Variants in AGPAT3 observed in about 807,000 individuals in gnomAD.
AGPAT3 encodes 1-acyl-sn-glycerol-3-phosphate acyltransferase gamma.
A neutral mutation model predicts 47.3 loss-of-function variants in AGPAT3; 5 were observed. The observed-to-expected ratio is 0.11, with a 90% CI of 0.06 to 0.22. The LOEUF (loss-of-function observed/expected upper bound fraction) is 0.22, where lower values mean the gene tolerates loss of function less well. Ranked by LOEUF, AGPAT3 falls within the 10% of genes least tolerant of loss-of-function variation. The pLI, the probability that AGPAT3 is intolerant of heterozygous loss-of-function variation, is 1.00. For synonymous variants in AGPAT3, 212 were observed against 208.3 expected, an observed-to-expected ratio of 1.02 and a Z score of -0.15; for missense variants, 315 against 493.0, an observed-to-expected ratio of 0.64 and a Z score of 3.42.
At chr21:43,924,518 T>C (rs558554275) in intron 2 of AGPAT3, among the ~76,000 whole-genome samples, 2 of 152,212 alleles carry the variant, frequency 1.3e-5, no homozygotes, top group African/African-American at 4.8e-5. Context: ...AGGCTCTGCC[T>C]TTGCAAGCAC....
At position 43,980,982 on chromosome 21, in the gene AGPAT3, C is replaced by T; in HGVS notation, c.844-7C>T. 1 of 1,612,436 alleles carries T rather than the reference C, an allele frequency of 6.2e-7. No homozygotes were observed. Among genetic ancestry groups the T allele is most frequent in the Non-Finnish European group, 8.5e-7 (1 of 1,178,958 alleles). ...CACGCTTCCTTTTTCTCTGTTGACT[C>T]TTCTAGGACGCGCTCCAGGAGATAT... On this transcript the variant is annotated splice_polypyrimidine_tract_variant and splice_region_variant and intron_variant, in intron 8 of 9. Transcript: ENST00000291572.
chr21:43,894,553 C>T (rs947079553), intron 1 of AGPAT3, among the ~76,000 whole-genome samples: 3 of 152,022 alleles, frequency 2.0e-5, no homozygotes, highest in African/African-American at 4.8e-5. Flanking sequence ...GTATTTGTCT[C>T]GTCTTTAAGC....
chr21:43,898,673 C>T (rs2086282175), intron 1 of AGPAT3, among the ~76,000 whole-genome samples: 1 of 152,094 alleles, frequency 6.6e-6, no homozygotes, highest in Non-Finnish European at 1.5e-5. Flanking sequence ...ATTACAGGCA[C>T]CCACCATCAT....
At chr21:43,951,156 TCG>T (rs200069527) in intron 2 of AGPAT3, among the ~76,000 whole-genome samples, 4,422 of 152,172 alleles carry the variant, frequency 0.029, 231 homozygotes, top group African/African-American at 0.1. Context: ...TGCCACCACC[TCG>T]CAGGGGCCAG....
intron 2 of AGPAT3, among the ~76,000 whole-genome samples, chr21:43,917,965 G>T: frequency 8.6e-6 from 1 of 115,896 alleles, no homozygotes; most frequent in Admixed American, 8.4e-5. Flanking sequence ...AGGGGGTGTG[G>T]GTGTTGGGGG....
At position 43,959,753 on chromosome 21, in the gene AGPAT3, T is replaced by C; in HGVS notation, c.72T>C (p.Ser24=). 7 of 1,613,736 alleles carry C rather than the reference T, an allele frequency of 4.3e-6. No individual in the cohort carries two copies. Among genetic ancestry groups the C allele is most frequent in the Non-Finnish European group, 5.9e-6 (7 of 1,179,916 alleles). The change falls in exon 3 of 10, where the codon AGT becomes AGC. Residue 24 remains serine (S), a synonymous_variant. Transcript: ENST00000291572. ...TGGTCGGCTTTGTCTTCGTGGTGAG[T>C]GGTCTGGTCATCAACTTCGTCCAGC... ...HLLVGFVFVV[S]GLVINFVQLC...
chr21:43,961,141 TAAAAAA>T (rs1042119184), intron 3 of AGPAT3, among the ~76,000 whole-genome samples: 1 of 130,218 alleles, frequency 7.7e-6, no homozygotes, highest in Non-Finnish European at 1.6e-5. Flanking sequence ...AGACTCTGTC[TAAAAAA>T]AAAAAAAAAG....
At position 43,982,437 on chromosome 21, in the gene AGPAT3, A is replaced by G. The variant is rs2089888349; in HGVS notation, c.*45A>G. 1 of 1,434,446 alleles carries G rather than the reference A, an allele frequency of 7.0e-7. No individual in the cohort carries two copies. The highest frequency in any genetic ancestry group is 9.8e-7 in the Non-Finnish European group (1 of 1,021,270). 88.9% of individuals were successfully genotyped at this position (1,434,446 alleles called of 1,614,324 possible). A position where few individuals can be genotyped will look rare whatever the true frequency, so the allele number is the denominator to read the frequency against. On this transcript the variant is annotated 3_prime_UTR_variant, in exon 10 of 10. Coordinates refer to ENST00000291572, the MANE Select transcript of AGPAT3 (RefSeq NM_020132.5). The surrounding 1 kb of genome is among the most constrained non-coding windows in gnomAD (Gnocchi z 6.2). The stretch of plus-strand genomic sequence containing the variant: ...ACACGCGGCCCTGACGGTGGTATCC[A>G]GTTAACTCAAAACCAACACACAGAG...
At chr21:43,874,536 A>ATAT (rs1407583096) in intron 1 of AGPAT3, among the ~76,000 whole-genome samples, 1 of 152,182 alleles carries the variant, frequency 6.6e-6, no homozygotes, top group African/African-American at 2.4e-5. Flanking sequence ...GGGCAGAGGG[A>ATAT]TATAGTCTGT....
chr21:43,911,882 G>A (rs962097597), intron 2 of AGPAT3, among the ~76,000 whole-genome samples: 2 of 152,220 alleles, frequency 1.3e-5, no homozygotes, highest in Non-Finnish European at 2.9e-5. Context: ...GTGTCTGTGC[G>A]TGTGTCTTCT....
chr21:43,871,408 C>T (rs150382738), intron 1 of AGPAT3, among the ~76,000 whole-genome samples: 2 of 152,282 alleles, frequency 1.3e-5, no homozygotes, highest in East Asian at 1.9e-4. Flanking sequence ...GAGACCCTCC[C>T]GTAAGATCTA....
At chr21:43,980,163 C>T (rs2089787132) in intron 8 of AGPAT3, among the ~76,000 whole-genome samples, 1 of 151,400 alleles carries the variant, frequency 6.6e-6, no homozygotes, top group Non-Finnish European at 1.5e-5. Context: ...GTAATCCCAG[C>T]TACTCAGGAG....
chr21:43,955,066 T>G lies in AGPAT3; in HGVS notation c.-48-4568T>G, dbSNP rs1047799716. 7.3e-6 allele frequency: 9 copies of G among 1,241,164 alleles called. No homozygotes were observed. In the Admixed American group the frequency reaches 1.8e-4, roughly 25 times the overall value. The allele number at this position is 1,241,164 out of a possible 1,614,324, so 76.9% of individuals were successfully genotyped here. A position where few individuals can be genotyped will look rare whatever the true frequency, so the allele number is the denominator to read the frequency against. ...GGCTCTATCTGTGGCCCCCAAAGGC[T>G]GGGTGCCAGCTGCCTGTCGGCAGGG... is the stretch of plus-strand genomic sequence containing the variant. On this transcript the variant is annotated intron_variant, in intron 2 of 9. Coordinates refer to ENST00000291572, the MANE Select transcript of AGPAT3 (RefSeq NM_020132.5). This position sits in a 1 kb window ranked among gnomAD's most constrained non-coding sequence, Gnocchi z 4.1.
chr21:43,928,495 G>A (rs906427443), intron 2 of AGPAT3, among the ~76,000 whole-genome samples: 3 of 152,202 alleles, frequency 2.0e-5, no homozygotes, highest in East Asian at 1.9e-4. Context: ...AGTGCCTCCC[G>A]CCTGGGGACA....
chr21:43,903,726 G>A (rs968633763), intron 1 of AGPAT3, among the ~76,000 whole-genome samples: 11 of 152,348 alleles, frequency 7.2e-5, no homozygotes, highest in Admixed American at 7.2e-4. Flanking sequence ...CCATCTGTTG[G>A]GCCTCCTGGC....
chr21:43,982,378 A>G lies in AGPAT3; in HGVS notation c.1117A>G (p.Lys373Glu). The part of the protein sequence containing the change: ...KGSSYGNQEF[K>E]KKE Reference sequence around the variant, plus strand: ...CTCCAGCTACGGAAACCAAGAGTTTAAGAAAAAGGAATAATTAATGGCTGT... The same window carrying G: ...CTCCAGCTACGGAAACCAAGAGTTTGAGAAAAAGGAATAATTAATGGCTGT... Residue 373 changes from lysine (K) to glutamate (E), a missense_variant, in exon 10 of 10, where the codon AAG becomes GAG. Transcript: ENST00000291572. This position sits in a 1 kb window ranked among gnomAD's most constrained non-coding sequence, Gnocchi z 6.2. The G allele has an allele frequency of 6.2e-7, 1 of 1,613,234 alleles. No homozygotes were observed. The highest frequency in any genetic ancestry group is 2.2e-5 in the East Asian group (1 of 44,888).
At chr21:43,903,552 A>C (rs913119116) in intron 1 of AGPAT3, among the ~76,000 whole-genome samples, 3 of 152,212 alleles carry the variant, frequency 2.0e-5, no homozygotes, top group Non-Finnish European at 4.4e-5. Context: ...TTTGGGAAGC[A>C]GCGGGAGCGC....
chr21:43,959,094 G>GGCA (rs2146609785), intron 2 of AGPAT3, among the ~76,000 whole-genome samples: 2 of 138,152 alleles, frequency 1.4e-5, no homozygotes, highest in African/African-American at 5.5e-5. Flanking sequence ...GTGTGTGTGT[G>GGCA]TCATGTGTGT....
At chr21:43,949,171 G>A (rs571276921) in intron 2 of AGPAT3, among the ~76,000 whole-genome samples, 2 of 152,188 alleles carry the variant, frequency 1.3e-5, no homozygotes, top group South Asian at 2.1e-4. Flanking sequence ...ATTTTAATTA[G>A]GATTCAGTTA....
Sources: allele counts gnomAD v4.1 joint callset (sites outside exome capture counted in the v4.1 genomes callset), GRCh38; gene constraint gnomAD v4.1.1; non-coding constraint Gnocchi (gnomAD v3.1); transcripts MANE v1.5; gene names NCBI Gene and HGNC (gene_info 2026-07-23, HGNC 2026-07-21).